ZNF518A: variants seen among roughly 807,000 people sequenced by gnomAD.
The protein encoded by ZNF518A is zinc finger protein 518.
In ZNF518A, 47 loss-of-function variants were observed where a neutral mutation model predicts 102.7. That is an observed-to-expected ratio of 0.46 (90% CI 0.36 to 0.58). The LOEUF (loss-of-function observed/expected upper bound fraction) is 0.58, where lower values mean the gene tolerates loss of function less well. Ranked by LOEUF, ZNF518A falls within the 20% of genes least tolerant of loss-of-function variation. The pLI, the probability that ZNF518A is intolerant of heterozygous loss-of-function variation, is 0.00. For missense variants in ZNF518A, 1,793 were observed against 1,699.8 expected (o/e 1.05, Z -0.96); for synonymous variants, 652 against 594.6 (o/e 1.10, Z -1.40).
At chr10:96,142,898 C>G (rs371503288) in intron 3 of ZNF518A, among the ~76,000 whole-genome samples, 5 of 151,936 alleles carry the variant, frequency 3.3e-5, no homozygotes, top group Non-Finnish European at 7.4e-5. Flanking sequence ...CCTCTGCCAC[C>G]CGGGTTCAAG....
intron 1 of ZNF518A, chr10:96,196,949 T>A: frequency 6.2e-7 from 1 of 1,613,636 alleles, no homozygotes. Context: ...TATTGTTTTG[T>A]TGCTTCAATA....
In ZNF518A at chr10:96,159,623, G is replaced by T. The variant is rs782585972; in HGVS notation, c.3301G>T (p.Gly1101Cys). Residue 1101 changes from glycine to cysteine, a missense_variant, in exon 6 of 6, where the codon GGC becomes TGC. By Grantham distance (159) the Gly-to-Cys change is radical. Transcript: ENST00000316045. ...ACCTCTTTATACCTTCTTGCCTGAT[G>T]GCAAACAAGCTGTTTTTTTAAAGTG... ...KPPLYTFLPD[G>C]KQAVFLKCVM... 3.1e-6 allele frequency: 5 copies of T among 1,613,774 alleles called. No individual in the cohort carries two copies. In the Admixed American group the frequency reaches 8.3e-5, roughly 27 times the overall value.
chr10:96,195,637 T>C (rs2083446576), intron 1 of ZNF518A, among the ~76,000 whole-genome samples: 1 of 152,172 alleles, frequency 6.6e-6, no homozygotes, highest in African/African-American at 2.4e-5. Flanking sequence ...ACGTGGTTGC[T>C]AGGGGCTGAA....
intron 1 of ZNF518A, chr10:96,192,032 C>A: frequency 6.2e-7 from 1 of 1,613,686 alleles, no homozygotes; most frequent in Non-Finnish European, 8.5e-7. Context: ...TTCTGACTGT[C>A]AATAAGAACC....
In ZNF518A at chr10:96,158,117, G is replaced by C. The variant is rs966724414; in HGVS notation, c.1795G>C (p.Asp599His). The change falls in exon 6 of 6, where the codon GAT (aspartate) becomes CAT (histidine). Residue 599 changes from aspartate to histidine, a missense_variant. Coordinates refer to ENST00000316045, the MANE Select transcript of ZNF518A (RefSeq NM_001330736.2). The part of the protein sequence containing the change: ...EVLGTTIKSP[D>H]KVNCVAKPNA... ...ATTAGGTACCACCATTAAAAGTCCAGATAAAGTCAACTGTGTTGCCAAACC... is the reference window on the plus strand; with the variant it reads ...ATTAGGTACCACCATTAAAAGTCCACATAAAGTCAACTGTGTTGCCAAACC... 1 of 1,613,534 alleles carries C rather than the reference G, an allele frequency of 6.2e-7. No individual in the cohort carries two copies. The highest frequency in any genetic ancestry group is 8.5e-7 in the Non-Finnish European group (1 of 1,179,660).
At position 96,160,024 on chromosome 10, in the gene ZNF518A, G is replaced by A; in HGVS notation, c.3702G>A (p.Arg1234=). 1 of 1,612,032 alleles carries A rather than the reference G, an allele frequency of 6.2e-7. No individual in the cohort carries two copies. Among genetic ancestry groups the A allele is most frequent in the African/African-American group, 1.3e-5 (1 of 74,874 alleles). Residue 1234 remains arginine (R), a synonymous_variant, in exon 6 of 6, where the codon AGG becomes AGA. Transcript: ENST00000316045. ...ACTGTTCAGAGTCCAGGGTATTAAG[G>A]TGTAAAACAAATTGTAGAATTGAGA... ...VSDCSESRVL[R]CKTNCRIERN...
At chr10:96,197,037 G>A (rs782635269) in intron 1 of ZNF518A, 1 of 1,612,738 alleles carries the variant, frequency 6.2e-7, no homozygotes, top group Non-Finnish European at 8.5e-7. Flanking sequence ...CATGGCCAGA[G>A]CTTTTCCGAA....
intron 3 of ZNF518A, among the ~76,000 whole-genome samples, chr10:96,136,941 T>C (rs1366047735): frequency 1.3e-5 from 2 of 152,248 alleles, no homozygotes; most frequent in African/African-American, 2.4e-5. Flanking sequence ...GTGGGCCATA[T>C]GGTTTCTGGT....
At position 96,158,393 on chromosome 10, in the gene ZNF518A, T is replaced by C; in HGVS notation, c.2071T>C (p.Ser691Pro). 1.9e-6 allele frequency: 3 copies of C among 1,613,598 alleles called. No individual in the cohort carries two copies. Among genetic ancestry groups the C allele is most frequent in the South Asian group, 1.1e-5 (1 of 91,070 alleles). Residue 691 changes from serine to proline, a missense_variant, in exon 6 of 6, where the codon TCA (serine) becomes CCA (proline). Ser to Pro is a moderately conservative substitution (Grantham distance 74). Transcript: ENST00000316045. ...SFLSLVRQESSKPDSLLASIS... is the reference protein window; with the variant it reads ...SFLSLVRQESPKPDSLLASIS... ...TTTATCACTAGTGAGGCAGGAGAGC[T>C]CAAAACCAGATAGCCTATTAGCATC... is the stretch of plus-strand genomic sequence containing the variant.
chr10:96,142,373 C>G (rs1021354121), intron 3 of ZNF518A, among the ~76,000 whole-genome samples: 1 of 146,360 alleles, frequency 6.8e-6, no homozygotes, highest in Non-Finnish European at 1.5e-5. Flanking sequence ...TTCCTTTTAG[C>G]AGAACCTTAT....
At chr10:96,191,890 T>C in intron 1 of ZNF518A, 1 of 1,549,722 alleles carries the variant, frequency 6.5e-7, no homozygotes, top group South Asian at 1.1e-5. Flanking sequence ...TAATCCAAAA[T>C]ATGAAGTTTT....
chr10:96,134,186 A>C (rs1554873480), intron 3 of ZNF518A, among the ~76,000 whole-genome samples: 1 of 152,192 alleles, frequency 6.6e-6, no homozygotes, highest in Non-Finnish European at 1.5e-5. Flanking sequence ...AAATCCACAA[A>C]AATCTGAAAT....
In ZNF518A at chr10:96,162,514, T is replaced by C. The variant is rs1212714627; in HGVS notation, c.*1740T>C. 1 of 166,958 alleles carries C rather than the reference T, an allele frequency of 6.0e-6. No individual in the cohort carries two copies. The highest frequency in any genetic ancestry group is 1.9e-4 in the East Asian group (1 of 5,204). 10.3% of individuals were successfully genotyped at this position (166,958 alleles called of 1,614,324 possible). A position where few individuals can be genotyped will look rare whatever the true frequency, so the allele number is the denominator to read the frequency against. On this transcript the variant is annotated 3_prime_UTR_variant, in exon 6 of 6. Coordinates refer to ENST00000316045, the MANE Select transcript of ZNF518A (RefSeq NM_001330736.2). ...TAGAATGCTTCAAGCTATCTTGCTA[T>C]GCACATTATACTTGTACTGTTTTGT...
chr10:96,183,436 C>G (rs1483643688), intron 1 of ZNF518A, among the ~76,000 whole-genome samples: 1 of 152,176 alleles, frequency 6.6e-6, no homozygotes, highest in Non-Finnish European at 1.5e-5. Flanking sequence ...TTCCTGCTTT[C>G]TCTTGTGGGC....
intron 1 of ZNF518A, among the ~76,000 whole-genome samples, chr10:96,186,592 T>G (rs1234135715): frequency 2.0e-5 from 3 of 152,150 alleles, no homozygotes; most frequent in African/African-American, 7.2e-5. Context: ...GAGACGGGGT[T>G]TCACCATGTT....
At chr10:96,148,104 C>G (rs1463922214) in intron 3 of ZNF518A, among the ~76,000 whole-genome samples, 1 of 151,854 alleles carries the variant, frequency 6.6e-6, no homozygotes, top group Non-Finnish European at 1.5e-5. Flanking sequence ...TTGTGGCATC[C>G]TGTTCTTATT....
chr10:96,169,169 C>G (rs1435288881), intron 1 of ZNF518A, among the ~76,000 whole-genome samples: 2 of 150,288 alleles, frequency 1.3e-5, no homozygotes, highest in African/African-American at 5.0e-5. Flanking sequence ...GCCCAGCTAA[C>G]TTTTAAAAAA....
chr10:96,181,078 C>A (rs1454358273), intron 1 of ZNF518A, among the ~76,000 whole-genome samples: 1 of 152,212 alleles, frequency 6.6e-6, no homozygotes, highest in African/African-American at 2.4e-5. Context: ...TTTTGATTTG[C>A]ATTTCTCTGA....
chr10:96,146,260 C>A (rs970662360), intron 3 of ZNF518A, among the ~76,000 whole-genome samples: 1 of 152,084 alleles, frequency 6.6e-6, no homozygotes, highest in Non-Finnish European at 1.5e-5. Context: ...ATTTTATAAA[C>A]GATGGCACAA....
Sources: allele counts gnomAD v4.1 joint callset (sites outside exome capture counted in the v4.1 genomes callset), GRCh38; gene constraint gnomAD v4.1.1; transcripts MANE v1.5; gene names NCBI Gene and HGNC (gene_info 2026-07-23, HGNC 2026-07-21).